The following GRM5 variants were observed in gnomAD, a reference collection of about 807,000 sequenced individuals.
GRM5 encodes glutamate metabotropic receptor 5, also known as metabotropic glutamate receptor 5.
In GRM5, 19 loss-of-function variants were observed where a neutral mutation model predicts 83.1. That is an observed-to-expected ratio of 0.23 (90% CI 0.16 to 0.34). GRM5 has a LOEUF of 0.34. GRM5 is among the 10% of genes least tolerant of loss of function. The pLI is 1.00. For missense variants in GRM5, 1,160 were observed against 1,588.3 expected (o/e 0.73, Z 4.58); for synonymous variants, 675 against 633.6 (o/e 1.07, Z -0.98).
chr11:88,726,151 G>A (rs577568809), intron 3 of GRM5, among the ~76,000 whole-genome samples: 3 of 152,228 alleles, frequency 2.0e-5, no homozygotes, highest in African/African-American at 7.2e-5. Flanking sequence ...AAAAAGATGA[G>A]AGGAATTGCT....
intron 8 of GRM5, among the ~76,000 whole-genome samples, chr11:88,537,914 G>T (rs1441324006): frequency 2.6e-5 from 4 of 152,230 alleles, no homozygotes; most frequent in Admixed American, 1.3e-4. Context: ...ATTTCACTGT[G>T]TTCTGTGAAA....
chr11:88,894,686 C>CA (rs1945202738), intron 2 of GRM5, among the ~76,000 whole-genome samples: 2 of 151,638 alleles, frequency 1.3e-5, no homozygotes, highest in South Asian at 4.2e-4. Flanking sequence ...GTGTTCTCCT[C>CA]AAAAAATCAT....
intron 2 of GRM5, among the ~76,000 whole-genome samples, chr11:88,966,594 T>C (rs1376191655): frequency 6.6e-6 from 1 of 152,080 alleles, no homozygotes; most frequent in African/African-American, 2.4e-5. Context: ...AGATGGACAT[T>C]TTAGTGTGGT....
chr11:88,634,286 T>A (rs1939059302), intron 4 of GRM5, among the ~76,000 whole-genome samples: 1 of 152,174 alleles, frequency 6.6e-6, no homozygotes, highest in Admixed American at 6.6e-5. Flanking sequence ...ATAAAAAATA[T>A]TATTTTTCTT....
At chr11:88,695,951 T>G (rs1591446314) in intron 3 of GRM5, among the ~76,000 whole-genome samples, 1 of 152,176 alleles carries the variant, frequency 6.6e-6, no homozygotes, top group South Asian at 2.1e-4. Context: ...TTTTGCCCTC[T>G]TCAGGCGACT....
Position 88,877,912 on chromosome 11 carries a change from G to A in GRM5, c.662-27757C>T, listed in dbSNP as rs1205471097. 5.3e-5 allele frequency among the ~76,000 whole-genome samples: 8 copies of A among 151,876 alleles called. 1 individual carries two copies. The South Asian group carries it at 1.5e-3, about 28-fold the overall frequency. ...GGAGAGATATCTAATGCTAGATGACGAGTTAGTGGGTGCAGCGCACCAGCA... is the reference window on the plus strand; with the variant it reads ...GGAGAGATATCTAATGCTAGATGACAAGTTAGTGGGTGCAGCGCACCAGCA... On this transcript the variant is annotated intron_variant, in intron 2 of 9. Coordinates refer to ENST00000305447, the MANE Select transcript of GRM5 (RefSeq NM_001143831.3).
chr11:88,915,674 A>T (rs1241547360), intron 2 of GRM5, among the ~76,000 whole-genome samples: 1 of 152,172 alleles, frequency 6.6e-6, no homozygotes, highest in Non-Finnish European at 1.5e-5. Context: ...TTCAACAGTT[A>T]TTTGACAATC....
chr11:89,017,860 T>C (rs1411101013), intron 2 of GRM5, among the ~76,000 whole-genome samples: 1 of 152,184 alleles, frequency 6.6e-6, no homozygotes, highest in East Asian at 1.9e-4. Context: ...GGGTCATAAG[T>C]GACCCAAGCA....
At chr11:88,657,965 G>A (rs995994504) in intron 3 of GRM5, among the ~76,000 whole-genome samples, 1 of 151,994 alleles carries the variant, frequency 6.6e-6, no homozygotes, top group Admixed American at 6.6e-5. Context: ...TCTGTTTCTG[G>A]GACATACCAA....
At chr11:88,807,814 A>G (rs1943522549) in intron 3 of GRM5, among the ~76,000 whole-genome samples, 1 of 152,116 alleles carries the variant, frequency 6.6e-6, no homozygotes, top group African/African-American at 2.4e-5. Flanking sequence ...GTTTTATACA[A>G]TTTGAATAAA....
At chr11:88,842,234 T>C (rs755042777) in intron 3 of GRM5, among the ~76,000 whole-genome samples, 3 of 152,072 alleles carry the variant, frequency 2.0e-5, no homozygotes, top group Non-Finnish European at 2.9e-5. Flanking sequence ...CAACATGGTT[T>C]GTGTGTGAGT....
intron 2 of GRM5, among the ~76,000 whole-genome samples, chr11:89,038,121 G>T (rs1211712594): frequency 6.7e-6 from 1 of 149,920 alleles, no homozygotes; most frequent in Non-Finnish European, 1.5e-5. Context: ...GAAAAACACC[G>T]ACTAGATAAT....
chr11:88,782,225 G>A lies in GRM5; in HGVS notation c.911+67681C>T, dbSNP rs188436390. On this transcript the variant is annotated intron_variant, in intron 3 of 9. Coordinates refer to ENST00000305447, the MANE Select transcript of GRM5 (RefSeq NM_001143831.3). The stretch of plus-strand genomic sequence containing the variant: ...ATAATAATAATTGCTGTATTAGTCT[G>A]TTTTCACACTGCTGATAAAGATGTA... Among the ~76,000 whole-genome samples, 9 of 152,176 alleles carry A rather than the reference G, an allele frequency of 5.9e-5. No homozygotes were observed. In the East Asian group the frequency reaches 1.7e-3, roughly 29 times the overall value.
chr11:89,012,221 G>A (rs1940720747), intron 2 of GRM5, among the ~76,000 whole-genome samples: 1 of 152,192 alleles, frequency 6.6e-6, no homozygotes, highest in Non-Finnish European at 1.5e-5. Context: ...CAAAGTAAGA[G>A]TAGACTTTTT....
chr11:88,738,219 A>C (rs965484022), intron 3 of GRM5, among the ~76,000 whole-genome samples: 1 of 152,042 alleles, frequency 6.6e-6, no homozygotes, highest in Non-Finnish European at 1.5e-5. Flanking sequence ...GAGTGAAAAA[A>C]GATTATATAA....
At chr11:89,006,148 G>C (rs1168854524) in intron 2 of GRM5, among the ~76,000 whole-genome samples, 1 of 152,192 alleles carries the variant, frequency 6.6e-6, no homozygotes, top group African/African-American at 2.4e-5. Context: ...ATAGCAGAAA[G>C]AGGACGTAAT....
intron 2 of GRM5, among the ~76,000 whole-genome samples, chr11:88,884,018 C>A (rs1409983193): frequency 6.6e-6 from 1 of 152,134 alleles, no homozygotes; most frequent in African/African-American, 2.4e-5. Flanking sequence ...CTGGAGGCCC[C>A]ACACAGAGTC....
intron 3 of GRM5, among the ~76,000 whole-genome samples, chr11:88,842,514 C>G (rs1327439552): frequency 6.6e-6 from 1 of 152,190 alleles, no homozygotes; most frequent in Non-Finnish European, 1.5e-5. Context: ...CCAATTCTCT[C>G]CACCTCAATA....
chr11:89,050,271 T>C (rs190705095), intron 1 of GRM5, among the ~76,000 whole-genome samples: 2 of 152,356 alleles, frequency 1.3e-5, no homozygotes, highest in Non-Finnish European at 2.9e-5. Flanking sequence ...ATAATATACA[T>C]TGGTAAGTAT....
Sources: gnomAD v4.1 joint callset for allele counts (sites outside exome capture counted in the v4.1 genomes callset) on GRCh38, gnomAD v4.1.1 for gene constraint, MANE v1.5 for transcripts, NCBI Gene and HGNC (gene_info 2026-07-23, HGNC 2026-07-21) for gene names.